Variants in NFIB observed in about 807,000 individuals in gnomAD.
NFIB encodes nuclear factor 1 B-type.
A neutral mutation model predicts 61.5 loss-of-function variants in NFIB; 11 were observed. That is an observed-to-expected ratio of 0.18 (90% confidence interval 0.11 to 0.30). The LOEUF (loss-of-function observed/expected upper bound fraction) is 0.30. Among genes scored for constraint, NFIB ranks in the 10% least tolerant of loss-of-function variants. NFIB has a pLI of 1.00. For synonymous variants in NFIB, 260 were observed against 216.5 expected (o/e 1.20, Z -1.76); for missense variants, 471 against 608.9 (o/e 0.77, Z 2.38).
At chr9:14,470,165 T>G in the NFIB span, among the ~76,000 whole-genome samples, 1 of 152,184 alleles carries the variant, frequency 6.6e-6, no homozygotes, top group Non-Finnish European at 1.5e-5. Context: ...AATGAGTTCA[T>G]GCAGGTGAGG....
At chr9:14,333,598 G>A (rs1477729791) in intron 1 of NFIB, among the ~76,000 whole-genome samples, 1 of 152,142 alleles carries the variant, frequency 6.6e-6, no homozygotes, top group Non-Finnish European at 1.5e-5. Flanking sequence ...CACTTCAGCA[G>A]CCTTGGCCTA....
At chr9:14,444,246 T>C in the NFIB span, among the ~76,000 whole-genome samples, 4 of 152,158 alleles carry the variant, frequency 2.6e-5, no homozygotes, top group Non-Finnish European at 4.4e-5. Flanking sequence ...CTGCAATATA[T>C]AGATGATGTT....
intron 2 of NFIB, among the ~76,000 whole-genome samples, chr9:14,254,520 G>C (rs2056008775): frequency 1.3e-5 from 2 of 152,098 alleles, no homozygotes; most frequent in African/African-American, 4.8e-5. Context: ...CATCTTCAGG[G>C]ATGTGCACTC....
chr9:14,305,685 T>G (rs998499442), intron 2 of NFIB: 3 of 197,912 alleles, frequency 1.5e-5, no homozygotes, highest in Non-Finnish European at 3.0e-5. Context: ...TCTCCAAAGC[T>G]ACAAGAAAAT....
the NFIB span, among the ~76,000 whole-genome samples, chr9:14,512,780 C>T: frequency 6.7e-4 from 102 of 151,836 alleles, no homozygotes; most frequent in African/African-American, 2.5e-3. Flanking sequence ...TCCTACCTCC[C>T]GTCTTTCTTT....
intron 2 of NFIB, among the ~76,000 whole-genome samples, chr9:14,229,320 T>C (rs1469415621): frequency 2.0e-5 from 3 of 152,282 alleles, no homozygotes; most frequent in East Asian, 3.9e-4. Flanking sequence ...ATCATACCAA[T>C]AGTACCAACA....
At chr9:14,102,588 C>T in intron 10 of NFIB, 1 of 1,114,832 alleles carries the variant, frequency 9.0e-7, no homozygotes, top group Admixed American at 2.1e-5. Flanking sequence ...CACATGCAAA[C>T]TAGTACTGTA....
intron 1 of NFIB, among the ~76,000 whole-genome samples, chr9:14,379,865 T>A (rs1354606518): frequency 6.6e-6 from 1 of 152,162 alleles, no homozygotes; most frequent in East Asian, 1.9e-4. Flanking sequence ...GTATTTTTAG[T>A]AGAGACGGGG....
At chr9:14,481,731 C>G in the NFIB span, among the ~76,000 whole-genome samples, 1 of 152,092 alleles carries the variant, frequency 6.6e-6, no homozygotes, top group Non-Finnish European at 1.5e-5. Flanking sequence ...AAAGTTAAAC[C>G]TGCTAACATA....
chr9:14,322,204 G>A (rs991770234), intron 1 of NFIB: 2 of 959,498 alleles, frequency 2.1e-6, no homozygotes, highest in African/African-American at 1.7e-5. Context: ...TCTAAAAGCA[G>A]GCAGCCCTTC....
rs530352068 is a variant in NFIB, at chr9:14,270,121, C to T, written c.562+36868G>A. ...CTGTCTCAAGCCACTGTACTTCCAT[C>T]ATTAAGGAAACTGTTAGATGACCCT... is the stretch of plus-strand genomic sequence containing the variant. On this transcript the variant is annotated intron_variant, in intron 2 of 10. Transcript: ENST00000380953. 4.2e-4 allele frequency among the ~76,000 whole-genome samples: 64 copies of T among 152,202 alleles called. No homozygotes were observed. The Middle Eastern group carries it at 0.01, about 24-fold the overall frequency.
At chr9:14,529,252 T>C in the NFIB span, among the ~76,000 whole-genome samples, 1 of 152,218 alleles carries the variant, frequency 6.6e-6, no homozygotes, top group Non-Finnish European at 1.5e-5. Flanking sequence ...GTAGAATTTA[T>C]GATCATTGTC....
At chr9:14,480,778 G>T in the NFIB span, among the ~76,000 whole-genome samples, 28 of 152,270 alleles carry the variant, frequency 1.8e-4, no homozygotes, top group South Asian at 5.8e-3. Context: ...AAACATGGCT[G>T]CCTCCTGCTG....
At chr9:14,111,492 T>C (rs2071230013) in intron 10 of NFIB, among the ~76,000 whole-genome samples, 1 of 152,134 alleles carries the variant, frequency 6.6e-6, no homozygotes, top group Non-Finnish European at 1.5e-5. Flanking sequence ...TAAAGAATAA[T>C]GCAAATCCCA....
rs2060405234 is a variant in NFIB, at chr9:14,313,791, GC to G, written c.-281del. The stretch of plus-strand genomic sequence containing the variant: ...GCTGGCCGTGCTTGCCGAGGCCGCC[GC>G]CGCCGCCGGTGTTGGCTGCTTTTCG... On this transcript the variant is annotated 5_prime_UTR_variant, in exon 1 of 11. Transcript: ENST00000380953. The surrounding 1 kb of genome is among the most constrained non-coding windows in gnomAD (Gnocchi z 4.5). 7.5e-7 allele frequency: 1 copy of G among 1,335,488 alleles called. No individual in the cohort carries two copies. Among genetic ancestry groups the G allele is most frequent in the Admixed American group, 3.4e-5 (1 of 29,126 alleles). The allele number at this position is 1,335,488 out of a possible 1,614,324, so 82.7% of individuals were successfully genotyped here. A position where few individuals can be genotyped will look rare whatever the true frequency, so the allele number is the denominator to read the frequency against.
chr9:14,386,476 C>T (rs1161526166), intron 1 of NFIB, among the ~76,000 whole-genome samples: 2 of 152,170 alleles, frequency 1.3e-5, no homozygotes, highest in South Asian at 2.1e-4. Context: ...CACTATCTTA[C>T]GCTACAGGAC....
intron 7 of NFIB, among the ~76,000 whole-genome samples, chr9:14,122,687 C>T (rs1389831541): frequency 6.6e-6 from 1 of 152,166 alleles, no homozygotes; most frequent in Non-Finnish European, 1.5e-5. Context: ...TTTTTGCTCA[C>T]ATCTGTACAC....
the NFIB span, among the ~76,000 whole-genome samples, chr9:14,515,999 C>A: frequency 6.6e-6 from 1 of 152,268 alleles, no homozygotes; most frequent in Non-Finnish European, 1.5e-5. Context: ...AGCGGCTCCG[C>A]TTGCTCATCT....
intron 2 of NFIB, chr9:14,300,243 T>G (rs1369812419): frequency 2.5e-6 from 1 of 398,410 alleles, no homozygotes; most frequent in East Asian, 3.6e-5. Context: ...TTGCTATGCT[T>G]GGCACTGGGG....
Sources: gnomAD v4.1 joint callset for allele counts (sites outside exome capture counted in the v4.1 genomes callset) on GRCh38, gnomAD v4.1.1 for gene constraint, Gnocchi (gnomAD v3.1) non-coding constraint, MANE v1.5 for transcripts, NCBI Gene and HGNC (gene_info 2026-07-23, HGNC 2026-07-21) for gene names.